The following STYXL1 variants were observed in gnomAD, a reference collection of about 807,000 sequenced individuals.
STYXL1 encodes serine/threonine/tyrosine-interacting-like protein 1.
Under a neutral mutation model 36.4 loss-of-function variants are expected in STYXL1, and 32 were observed. The ratio of observed to expected loss-of-function variants is 0.88; its 90% confidence interval spans 0.66 to 1.18. The LOEUF (loss-of-function observed/expected upper bound fraction) is 1.18. STYXL1 is among the 50% of genes most tolerant of loss of function. The pLI, the probability that STYXL1 is intolerant of heterozygous loss-of-function variation, is 0.00. For missense variants in STYXL1, 354 were observed against 394.1 expected, an observed-to-expected ratio of 0.90 and a Z score of 0.86; for synonymous variants, 133 against 144.1, an observed-to-expected ratio of 0.92 and a Z score of 0.55.
At chr7:76,044,023 T>C in intron 1 of STYXL1, 1 of 152,234 alleles carries the variant, frequency 6.6e-6, no homozygotes, top group Non-Finnish European at 1.5e-5. Context: ...GCTTGTTTAA[T>C]ATAAGTTTCA....
intron 2 of STYXL1, among the ~76,000 whole-genome samples, chr7:76,029,335 C>T (rs1255838483): frequency 6.6e-6 from 1 of 151,600 alleles, no homozygotes; most frequent in Non-Finnish European, 1.5e-5. Flanking sequence ...TTAGTAGAGA[C>T]GGGGTTTCAC....
chr7:76,003,903 G>A (rs1791307869), intron 6 of STYXL1, 48 bp from the exon 7 acceptor site: 3 of 1,564,806 alleles, frequency 1.9e-6, no homozygotes, highest in Admixed American at 1.7e-5. Flanking sequence ...CAGAATGCAG[G>A]CATCCCCATT....
rs377455963 is a variant in STYXL1, at chr7:76,000,946, G to A, written c.754C>T (p.Arg252Cys). 21 of 1,614,054 alleles carry A rather than the reference G, an allele frequency of 1.3e-5. No homozygotes were observed. The highest frequency in any genetic ancestry group is 4.0e-5 in the African/African-American group (3 of 74,932). Residue 252 changes from arginine (R) to cysteine (C), a missense_variant, in exon 8 of 9, where the codon CGC (arginine) becomes TGC (cysteine). By Grantham distance (180) the Arg-to-Cys change is radical. Coordinates refer to ENST00000359697, the MANE Select transcript of STYXL1 (RefSeq NM_001317785.2). ...ILIFSTQGIS[R>C]SCAAIIAYLM... ...TAGGCTATGATGGCGGCACAACTGCGGCTGATACCTTGGGTGGAAAAGATC... is the reference window on the plus strand; with the variant it reads ...TAGGCTATGATGGCGGCACAACTGCAGCTGATACCTTGGGTGGAAAAGATC...
chr7:76,041,177 C>CAA (rs112341556), intron 1 of STYXL1, among the ~76,000 whole-genome samples: 34 of 85,988 alleles, frequency 4.0e-4, no homozygotes, highest in South Asian at 7.3e-4. Context: ...CCCCCATCTC[C>CAA]AAAAAAAAAA....
intron 5 of STYXL1, among the ~76,000 whole-genome samples, chr7:76,010,087 C>G (rs535990732): frequency 9.9e-5 from 15 of 152,284 alleles, no homozygotes; most frequent in Admixed American, 9.2e-4. Flanking sequence ...GATGAGTTAT[C>G]AGCAGCGTAG....
chr7:76,005,882 A>AGAGAGGAGGAGAGAGGAG (rs1791665645), intron 5 of STYXL1, among the ~76,000 whole-genome samples: 1 of 76,664 alleles, frequency 1.3e-5, no homozygotes. Context: ...AGAGGAGGAG[A>AGAGAGGAGGAGAGAGGAG]GAGGAGGAGG....
chr7:76,004,401 A>T (rs1403729045), intron 6 of STYXL1, among the ~76,000 whole-genome samples: 1 of 151,226 alleles, frequency 6.6e-6, no homozygotes, highest in Non-Finnish European at 1.5e-5. Flanking sequence ...AGCCAAAAAA[A>T]TTTTTTTAAG....
rs369104045 is a variant in STYXL1 at position 76,021,841 on chromosome 7, T to C, written c.307+10A>G. 4 of 1,600,608 alleles carry C rather than the reference T, an allele frequency of 2.5e-6. No individual in the cohort carries two copies. Among genetic ancestry groups the C allele is most frequent in the Non-Finnish European group, 2.6e-6 (3 of 1,169,320 alleles). The stretch of plus-strand genomic sequence containing the variant: ...AACTATTATTCTTGCTGCTGTTGCA[T>C]AAAACCCACCTTTGCCATCACCATC... On this transcript the variant is annotated intron_variant, in intron 4 of 8. Transcript: ENST00000359697.
intron 1 of STYXL1, among the ~76,000 whole-genome samples, chr7:76,040,036 A>G (rs1251097839): frequency 1.3e-5 from 2 of 152,084 alleles, no homozygotes; most frequent in Non-Finnish European, 2.9e-5. Flanking sequence ...CTTGCCTTAG[A>G]TCTTGCTATC....
At chr7:76,019,349 T>C (rs1554575291) in intron 4 of STYXL1, among the ~76,000 whole-genome samples, 1 of 151,160 alleles carries the variant, frequency 6.6e-6, no homozygotes, top group African/African-American at 2.4e-5. Context: ...CAGGCTAGAA[T>C]ACAGTGGTAC....
intron 1 of STYXL1, among the ~76,000 whole-genome samples, chr7:76,033,065 G>A (rs1441052093): frequency 6.6e-6 from 1 of 152,210 alleles, no homozygotes; most frequent in African/African-American, 2.4e-5. Context: ...AGTTGGCAGA[G>A]CTGCTCTTGG....
chr7:76,042,882 G>C lies in STYXL1; in HGVS notation c.-5+4780C>G, dbSNP rs144337663. Among the ~76,000 whole-genome samples the C allele has an allele frequency of 9.7e-3, 1,484 of 152,272 alleles. 28 individuals carry two copies. The highest frequency in any genetic ancestry group is 0.032 in the African/African-American group (1,328 of 41,564). ...GAACAATTAATGAAACCAGAAGCCA[G>C]CCCCTAGGGTAGCTTGGCCTGTGCC... On this transcript the variant is annotated intron_variant, in intron 1 of 8. Coordinates refer to ENST00000359697, the MANE Select transcript of STYXL1 (RefSeq NM_001317785.2).
At chr7:76,017,785 G>A (rs1315680094) in intron 4 of STYXL1, among the ~76,000 whole-genome samples, 2 of 140,960 alleles carry the variant, frequency 1.4e-5, no homozygotes, top group African/African-American at 5.2e-5. Context: ...TACTTGGGAA[G>A]CTGAGGGGAA....
At chr7:76,021,536 A>G (rs1373350509) in intron 4 of STYXL1, among the ~76,000 whole-genome samples, 2 of 152,134 alleles carry the variant, frequency 1.3e-5, no homozygotes, top group African/African-American at 4.8e-5. Context: ...TCACCAAAGA[A>G]CGCAGTTTCC....
At chr7:76,026,191 CCAAAAAAAAAAAAAAAA>C (rs1257568853) in intron 3 of STYXL1, among the ~76,000 whole-genome samples, 1 of 8,548 alleles carries the variant, frequency 1.2e-4, no homozygotes, top group African/African-American at 2.4e-4. Flanking sequence ...GACTCTGTCT[CCAAAAAAAAAAAAAAAA>C]AAAAAAAAAA....
intron 5 of STYXL1, 102 bp downstream of exon 5, chr7:76,013,640 C>T: frequency 6.5e-7 from 1 of 1,530,656 alleles, no homozygotes; most frequent in Non-Finnish European, 9.0e-7. Context: ...TCTCTATATC[C>T]TCTGTCCCAT....
intron 4 of STYXL1, 29 bp from the exon 5 acceptor site, chr7:76,013,916 T>A: frequency 6.3e-7 from 1 of 1,588,386 alleles, no homozygotes; most frequent in Admixed American, 1.7e-5. Context: ...GACATGAATG[T>A]CTCCTGTGTA....
chr7:76,015,181 T>C (rs1793128230), intron 4 of STYXL1, among the ~76,000 whole-genome samples: 1 of 152,018 alleles, frequency 6.6e-6, no homozygotes, highest in Non-Finnish European at 1.5e-5. Context: ...GCCAGGGAGG[T>C]TGAGGCTGTA....
At chr7:76,016,277 T>C (rs1313029593) in intron 4 of STYXL1, among the ~76,000 whole-genome samples, 2 of 151,728 alleles carry the variant, frequency 1.3e-5, no homozygotes, top group Non-Finnish European at 2.9e-5. Flanking sequence ...TATGTGTGTA[T>C]ATATGTATAT....
Sources: gnomAD v4.1 joint callset for allele counts (sites outside exome capture counted in the v4.1 genomes callset) on GRCh38, gnomAD v4.1.1 for gene constraint, MANE v1.5 for transcripts, NCBI Gene and HGNC (gene_info 2026-07-23, HGNC 2026-07-21) for gene names.